The following CSMD1 variants were observed in gnomAD, a reference collection of about 807,000 sequenced individuals.
CSMD1 encodes the protein CUB and Sushi multiple domains 1, also known as CUB and sushi domain-containing protein 1.
In CSMD1, 213 loss-of-function variants were observed where a neutral mutation model predicts 417.5. The ratio of observed to expected loss-of-function variants is 0.51; its 90% CI spans 0.46 to 0.57. The LOEUF is 0.57. CSMD1 is among the 20% of genes least tolerant of loss of function. The pLI is 0.00. For missense variants in CSMD1, 6,923 were observed against 4,529.7 expected, an observed-to-expected ratio of 1.53 and a Z score of -15.17; for synonymous variants, 2,862 against 1,736.8, an observed-to-expected ratio of 1.65 and a Z score of -16.11.
At chr8:4,194,784 C>A (rs900982322) in intron 3 of CSMD1, among the ~76,000 whole-genome samples, 1 of 151,966 alleles carries the variant, frequency 6.6e-6, no homozygotes, top group Non-Finnish European at 1.5e-5. Flanking sequence ...CATTCACAAC[C>A]TTCATGAGAC....
chr8:3,437,139 G>A (rs552704403), intron 12 of CSMD1, among the ~76,000 whole-genome samples: 17 of 152,176 alleles, frequency 1.1e-4, no homozygotes, highest in Admixed American at 9.2e-4. Flanking sequence ...GGTAGGGAGG[G>A]AAAAAAATCA....
chr8:3,666,236 T>C (rs1298655549), intron 7 of CSMD1, among the ~76,000 whole-genome samples: 4 of 151,842 alleles, frequency 2.6e-5, no homozygotes, highest in Non-Finnish European at 1.5e-5. Flanking sequence ...ACCACACTGG[T>C]GAGACTTTCC....
intron 7 of CSMD1, among the ~76,000 whole-genome samples, chr8:3,669,363 G>A (rs536737183): frequency 5.9e-5 from 9 of 152,234 alleles, no homozygotes; most frequent in Admixed American, 2.6e-4. Context: ...TGCCTTGGGC[G>A]GGAGGGTCCA....
At chr8:3,443,101 TATG>T (rs904802906) in intron 12 of CSMD1, among the ~76,000 whole-genome samples, 49 of 152,340 alleles carry the variant, frequency 3.2e-4, no homozygotes, top group African/African-American at 9.6e-4. Flanking sequence ...CATTTGTACT[TATG>T]ATGCCTTTTC....
chr8:4,601,651 T>C (rs975688118), intron 2 of CSMD1, among the ~76,000 whole-genome samples: 10 of 152,162 alleles, frequency 6.6e-5, no homozygotes, highest in African/African-American at 2.4e-4. Flanking sequence ...GATGTCTCAT[T>C]TTTGCAATTA....
At chr8:3,557,251 T>A (rs552179494) in intron 10 of CSMD1, among the ~76,000 whole-genome samples, 1 of 152,228 alleles carries the variant, frequency 6.6e-6, no homozygotes, top group Non-Finnish European at 1.5e-5. Context: ...CCAAATAATA[T>A]GTAGATTTGT....
chr8:4,486,995 C>A (rs558246128), intron 2 of CSMD1, among the ~76,000 whole-genome samples: 2 of 152,140 alleles, frequency 1.3e-5, no homozygotes, highest in African/African-American at 4.8e-5. Flanking sequence ...ACACGCCTTC[C>A]ACATCGAGGT....
At chr8:4,315,508 A>G (rs1432199671) in intron 3 of CSMD1, among the ~76,000 whole-genome samples, 1 of 152,240 alleles carries the variant, frequency 6.6e-6, no homozygotes, top group Non-Finnish European at 1.5e-5. Flanking sequence ...AAGTGAACCA[A>G]TAAAGTAGAA....
intron 1 of CSMD1, among the ~76,000 whole-genome samples, chr8:4,882,460 C>A (rs1585258662): frequency 6.8e-6 from 1 of 146,040 alleles, no homozygotes; most frequent in African/African-American, 2.8e-5. Context: ...TATTGGGGGG[C>A]GAGTTTGGCG....
At chr8:3,315,833 T>C (rs1321710876) in intron 23 of CSMD1, among the ~76,000 whole-genome samples, 1 of 152,210 alleles carries the variant, frequency 6.6e-6, no homozygotes, top group African/African-American at 2.4e-5. Flanking sequence ...TAAAGCAAGT[T>C]AATCATACCT....
intron 10 of CSMD1, among the ~76,000 whole-genome samples, chr8:3,502,332 T>G (rs1487988092): frequency 1.5e-5 from 2 of 136,418 alleles, no homozygotes; most frequent in Non-Finnish European, 3.0e-5. Context: ...GCCACTGCAC[T>G]GCAGCCTGGG....
intron 5 of CSMD1, among the ~76,000 whole-genome samples, chr8:3,773,107 G>C (rs1427041473): frequency 1.3e-5 from 2 of 152,108 alleles, no homozygotes; most frequent in East Asian, 3.9e-4. Flanking sequence ...CGAGGGCTCT[G>C]TCCTCACAAC....
chr8:2,985,349 C>T (rs902284283), intron 54 of CSMD1, among the ~76,000 whole-genome samples: 3 of 151,802 alleles, frequency 2.0e-5, no homozygotes, highest in Non-Finnish European at 4.4e-5. Context: ...TACTGCTACA[C>T]TGTTTCACCA....
chr8:4,921,274 C>T (rs910566619), intron 1 of CSMD1, among the ~76,000 whole-genome samples: 13 of 152,246 alleles, frequency 8.5e-5, no homozygotes, highest in Non-Finnish European at 5.9e-5. Context: ...GTCAGCCAAT[C>T]TGAGTGGGGG....
chr8:4,519,798 G>A (rs979126484), intron 2 of CSMD1, among the ~76,000 whole-genome samples: 4 of 135,810 alleles, frequency 2.9e-5, no homozygotes, highest in African/African-American at 8.7e-5. Flanking sequence ...GCCTTTTGGA[G>A]CCAGGGATAG....
At chr8:4,189,344 G>A (rs1032535635) in intron 3 of CSMD1, among the ~76,000 whole-genome samples, 1 of 152,034 alleles carries the variant, frequency 6.6e-6, no homozygotes, top group Admixed American at 6.6e-5. Flanking sequence ...TGTTTATTAG[G>A]AATAATGATA....
intron 10 of CSMD1, among the ~76,000 whole-genome samples, chr8:3,567,930 C>G (rs116423840): frequency 1.3e-5 from 2 of 152,126 alleles, no homozygotes; most frequent in African/African-American, 4.8e-5. Context: ...GTTGACATCC[C>G]CATGGACGCC....
chr8:3,055,836 C>T (rs539318215), intron 49 of CSMD1, among the ~76,000 whole-genome samples: 7 of 152,268 alleles, frequency 4.6e-5, no homozygotes, highest in African/African-American at 1.4e-4. Context: ...TCTTGCTGTA[C>T]CTCTCAATAA....
intron 1 of CSMD1, among the ~76,000 whole-genome samples, chr8:4,923,925 G>A (rs1013194294): frequency 6.6e-5 from 10 of 152,162 alleles, no homozygotes; most frequent in Non-Finnish European, 1.5e-5. Context: ...TTCTATGGAG[G>A]AAAGAAAGTA....
Sources: allele counts gnomAD v4.1 joint callset (sites outside exome capture counted in the v4.1 genomes callset), GRCh38; gene constraint gnomAD v4.1.1; transcripts MANE v1.5; gene names NCBI Gene and HGNC (gene_info 2026-07-23, HGNC 2026-07-21).